The following RPS6KC1 variants were observed in gnomAD, a reference collection of about 807,000 sequenced individuals.
RPS6KC1 encodes the protein ribosomal protein S6 kinase C1.
A neutral mutation model predicts 103.8 loss-of-function variants in RPS6KC1; 54 were observed. The observed-to-expected ratio is 0.52, with a 90% CI of 0.42 to 0.65. The LOEUF (loss-of-function observed/expected upper bound fraction) is 0.65. RPS6KC1 is among the 30% of genes least tolerant of loss of function. The pLI is 0.00. For synonymous variants in RPS6KC1, 439 were observed against 438.7 expected (o/e 1.00, Z -0.01); for missense variants, 1,151 against 1,253.8 (o/e 0.92, Z 1.24).
At chr1:213,391,907 C>A in the RPS6KC1 span, among the ~76,000 whole-genome samples, 1 of 152,170 alleles carries the variant, frequency 6.6e-6, no homozygotes, top group African/African-American at 2.4e-5. Flanking sequence ...AAGGAAGATA[C>A]TTGTCTTTTC....
chr1:213,294,208 C>A, the RPS6KC1 span, among the ~76,000 whole-genome samples: 1 of 152,186 alleles, frequency 6.6e-6, no homozygotes, highest in African/African-American at 2.4e-5. Flanking sequence ...AACAGTTGAT[C>A]AAAGATGGTT....
chr1:213,279,187 AAGAG>A (rs926322141), downstream of RPS6KC1, among the ~76,000 whole-genome samples: 5 of 152,144 alleles, frequency 3.3e-5, no homozygotes, highest in African/African-American at 9.7e-5. Flanking sequence ...AAATTGGAGA[AAGAG>A]AGATTAGAGG....
At chr1:213,396,541 C>T in the RPS6KC1 span, among the ~76,000 whole-genome samples, 1 of 152,184 alleles carries the variant, frequency 6.6e-6, no homozygotes, top group East Asian at 1.9e-4. Flanking sequence ...CCCTCCTTGC[C>T]CTTCCCTGTA....
the RPS6KC1 span, among the ~76,000 whole-genome samples, chr1:213,746,515 T>G: frequency 1.0e-3 from 157 of 152,274 alleles, no homozygotes; most frequent in East Asian, 7.7e-4. Context: ...CTGTAGGATA[T>G]TATAGGTCAT....
At chr1:213,845,123 T>A in the RPS6KC1 span, among the ~76,000 whole-genome samples, 1 of 152,080 alleles carries the variant, frequency 6.6e-6, no homozygotes, top group Non-Finnish European at 1.5e-5. Context: ...TAAACCTCTT[T>A]AACAAAATAG....
the RPS6KC1 span, among the ~76,000 whole-genome samples, chr1:213,773,734 T>A: frequency 6.6e-6 from 1 of 152,138 alleles, no homozygotes; most frequent in East Asian, 1.9e-4. Flanking sequence ...TCAGGAAGTC[T>A]TAGTCTTTGT....
chr1:213,754,032 A>G, the RPS6KC1 span, among the ~76,000 whole-genome samples: 1 of 151,106 alleles, frequency 6.6e-6, no homozygotes, highest in Non-Finnish European at 1.5e-5. Context: ...GGTCTCTGGG[A>G]GCTTTGAATC....
chr1:213,516,837 G>A, the RPS6KC1 span, among the ~76,000 whole-genome samples: 6 of 152,152 alleles, frequency 3.9e-5, no homozygotes, highest in Non-Finnish European at 7.3e-5. Context: ...GTAGAATTCG[G>A]CTGTGAATCC....
chr1:213,290,693 A>C, the RPS6KC1 span, among the ~76,000 whole-genome samples: 1 of 152,036 alleles, frequency 6.6e-6, no homozygotes, highest in South Asian at 2.1e-4. Flanking sequence ...TCTAGTTGTG[A>C]CAAGGGCAGA....
the RPS6KC1 span, among the ~76,000 whole-genome samples, chr1:213,657,636 G>A: frequency 1.3e-5 from 2 of 152,188 alleles, no homozygotes; most frequent in East Asian, 3.9e-4. Context: ...TTCAATTCCA[G>A]GCAGAACGTA....
In RPS6KC1 at chr1:213,241,311, T is replaced by A; in HGVS notation, c.1835T>A (p.Leu612His). Reference protein sequence around the residue: ...RIDSKDSASELLGLDFGEKLY... With the variant: ...RIDSKDSASEHLGLDFGEKLY... ...GACAGTAAGGATAGCGCAAGTGAAC[T>A]CCTGGGACTTGACTTTGGAGAAAAA... is the stretch of plus-strand genomic sequence containing the variant. Residue 612 changes from leucine (L) to histidine (H), a missense_variant, in exon 11 of 15, where the codon CTC becomes CAC. Transcript: ENST00000366960. 1 of 1,613,970 alleles carries A rather than the reference T, an allele frequency of 6.2e-7. No homozygotes were observed. The highest frequency in any genetic ancestry group is 8.5e-7 in the Non-Finnish European group (1 of 1,179,936).
the RPS6KC1 span, among the ~76,000 whole-genome samples, chr1:213,340,599 T>C: frequency 6.6e-6 from 1 of 152,194 alleles, no homozygotes; most frequent in Non-Finnish European, 1.5e-5. Context: ...ATGAAAGCAA[T>C]AACTAATTAC....
intron 8 of RPS6KC1, among the ~76,000 whole-genome samples, chr1:213,181,720 G>T (rs1042668097): frequency 6.6e-6 from 1 of 152,104 alleles, no homozygotes; most frequent in Non-Finnish European, 1.5e-5. Context: ...CTATCAACCA[G>T]AATTCTATAT....
At chr1:213,487,192 C>T in the RPS6KC1 span, among the ~76,000 whole-genome samples, 2 of 152,164 alleles carry the variant, frequency 1.3e-5, no homozygotes, top group East Asian at 3.9e-4. Flanking sequence ...CACTTGAGCT[C>T]AGGAATTTGA....
intron 12 of RPS6KC1, among the ~76,000 whole-genome samples, chr1:213,259,772 C>G (rs560605068): frequency 5.0e-4 from 22 of 43,738 alleles, no homozygotes; most frequent in Non-Finnish European, 8.4e-4. Context: ...GAGTTTTGCT[C>G]TTGTTGCCCA....
At chr1:213,433,572 G>A in the RPS6KC1 span, among the ~76,000 whole-genome samples, 4 of 152,196 alleles carry the variant, frequency 2.6e-5, no homozygotes, top group Non-Finnish European at 4.4e-5. Context: ...CAAAGTGGCT[G>A]TAACATTTTA....
At chr1:213,412,350 C>T in the RPS6KC1 span, among the ~76,000 whole-genome samples, 1 of 152,198 alleles carries the variant, frequency 6.6e-6, no homozygotes, top group Non-Finnish European at 1.5e-5. Flanking sequence ...GGAGAAGACA[C>T]TTTTGTGCCA....
chr1:213,858,650 C>T, the RPS6KC1 span, among the ~76,000 whole-genome samples: 8 of 152,208 alleles, frequency 5.3e-5, no homozygotes, highest in East Asian at 9.6e-4. Context: ...AACCAGTTAG[C>T]GCCAGTTCCA....
At chr1:213,379,432 A>G in the RPS6KC1 span, among the ~76,000 whole-genome samples, 2 of 152,180 alleles carry the variant, frequency 1.3e-5, no homozygotes, top group Non-Finnish European at 2.9e-5. Context: ...TGATGTGACT[A>G]CAAGCCAAGG....
Sources: gnomAD v4.1 joint callset for allele counts (sites outside exome capture counted in the v4.1 genomes callset) on GRCh38, gnomAD v4.1.1 for gene constraint, MANE v1.5 for transcripts, NCBI Gene and HGNC (gene_info 2026-07-23, HGNC 2026-07-21) for gene names.